Variants in ATAD5 observed in about 807,000 individuals in gnomAD.
ATAD5 encodes the protein ATPase family AAA domain containing 5, also known as ATPase family AAA domain-containing protein 5.
ATAD5 carries 58 observed loss-of-function variants against 176.9 expected under a neutral mutation model. The observed-to-expected ratio is 0.33, with a 90% confidence interval of 0.27 to 0.41. ATAD5 has a LOEUF of 0.41. Ranked by LOEUF, ATAD5 falls within the 10% of genes least tolerant of loss-of-function variation. The pLI is 1.00. For synonymous variants in ATAD5, 640 were observed against 712.6 expected (o/e 0.90, Z 1.62); for missense variants, 1,789 against 2,094.1 (o/e 0.85, Z 2.84).
At chr17:30,846,396 G>GTTTTTTTTTTTTTTTTTT (rs11324585) in intron 6 of ATAD5, among the ~76,000 whole-genome samples, 1 of 143,272 alleles carries the variant, frequency 7.0e-6, no homozygotes, top group African/African-American at 2.6e-5. Flanking sequence ...AGAGTTTGAG[G>GTTTTTTTTTTTTTTTTTT]TTTTTTTTTT....
At position 30,868,621 on chromosome 17, in the gene ATAD5, C is replaced by T. The variant is rs544741347; in HGVS notation, c.3313+209C>T. Among the ~76,000 whole-genome samples, 9 of 150,798 alleles carry T rather than the reference C, an allele frequency of 6.0e-5. No homozygotes were observed. The South Asian group carries it at 1.5e-3, about 25-fold the overall frequency. ...CTCCCGGGTCAAGTGATTCTCATGC[C>T]TCAGCCTCCTGAGTAGCTGGGATTA... On this transcript the variant is annotated intron_variant, in intron 12 of 22. Coordinates refer to ENST00000321990, the MANE Select transcript of ATAD5 (RefSeq NM_024857.5).
chr17:30,873,320 CT>C lies in ATAD5; in HGVS notation c.3608-3038del, dbSNP rs775667412. Among the ~76,000 whole-genome samples the C allele has an allele frequency of 8.3e-3, 1,134 of 137,426 alleles. 4 individuals are homozygous for C. The highest frequency in any genetic ancestry group is 0.045 in the Middle Eastern group (12 of 266). 90.2% of individuals were successfully genotyped at this position (137,426 alleles called of 152,430 possible). ...TTCTTTTGGTGTGAAATTTCTTTTTCTTTTTTTTTTTTTTTTGAGACGGAGT... is the reference window on the plus strand; with the variant it reads ...TTCTTTTGGTGTGAAATTTCTTTTTCTTTTTTTTTTTTTTTGAGACGGAGT... On this transcript the variant is annotated intron_variant, in intron 14 of 22. Transcript: ENST00000321990.
intron 7 of ATAD5, among the ~76,000 whole-genome samples, chr17:30,855,905 G>A (rs1907269569): frequency 6.6e-6 from 1 of 151,802 alleles, no homozygotes; most frequent in African/African-American, 2.4e-5. Flanking sequence ...CTGTACGTGG[G>A]AATTTCCCAG....
At position 30,865,747 on chromosome 17, in the gene ATAD5, T is replaced by C; in HGVS notation, c.3180T>C (p.Pro1060=). ...TGCTTTGGACAGAAAAGTATCAACC[T>C]CAGACTGCCAGTGAACTTATAGGAA... ...EDMLWTEKYQ[P]QTASELIGNE... is the part of the protein sequence containing the mutation. The change falls in exon 11 of 23, where the codon CCT becomes CCC. Residue 1060 remains proline (P), a synonymous_variant. Coordinates refer to ENST00000321990, the MANE Select transcript of ATAD5 (RefSeq NM_024857.5). The C allele has an allele frequency of 6.3e-7, 1 of 1,595,734 alleles. No homozygotes were observed. The highest frequency in any genetic ancestry group is 8.5e-7 in the Non-Finnish European group (1 of 1,173,628).
rs1050033477 is a variant in ATAD5, at chr17:30,850,361, C to A, written c.2451-4782C>A. On this transcript the variant is annotated intron_variant, in intron 6 of 22. Coordinates refer to ENST00000321990, the MANE Select transcript of ATAD5 (RefSeq NM_024857.5). The stretch of plus-strand genomic sequence containing the variant: ...TCTACTCTCTACTTCTATGAGACTT[C>A]TTTTTTTTTTTTTTTTAAAGGCAGC... 2.9e-5 allele frequency among the ~76,000 whole-genome samples: 4 copies of A among 136,370 alleles called. No individual in the cohort carries two copies. The Admixed American group carries it at 3.0e-4, about 10-fold the overall frequency. The allele number at this position is 136,370 out of a possible 152,430, so 89.5% of individuals were successfully genotyped here. A position where few individuals can be genotyped will look rare whatever the true frequency, so the allele number is the denominator to read the frequency against.
chr17:30,891,651 G>A (rs1030958993), intron 19 of ATAD5, among the ~76,000 whole-genome samples: 2 of 151,886 alleles, frequency 1.3e-5, no homozygotes, highest in Non-Finnish European at 2.9e-5. Flanking sequence ...GGGATTACAG[G>A]TGTGAGCCAC....
At chr17:30,891,107 C>G (rs1450128008) in intron 19 of ATAD5, among the ~76,000 whole-genome samples, 1 of 152,086 alleles carries the variant, frequency 6.6e-6, no homozygotes, top group Admixed American at 6.5e-5. Flanking sequence ...GGAGAGAATT[C>G]TAGAAGTATG....
rs1394330329 is a variant in ATAD5, at chr17:30,850,888, T to A, written c.2451-4255T>A. On this transcript the variant is annotated intron_variant, in intron 6 of 22. Transcript: ENST00000321990. ...ATATATATTTTTTTTTTTTTTTTTT[T>A]TTTTTTTTTTTTTTGAGATAGAGTC... Among the ~76,000 whole-genome samples the A allele has an allele frequency of 8.6e-4, 59 of 68,264 alleles. 1 individual carries two copies. Among genetic ancestry groups the A allele is most frequent in the African/African-American group, 3.0e-3 (55 of 18,136 alleles). The allele number at this position is 68,264 out of a possible 152,430, so 44.8% of individuals were successfully genotyped here. A position where few individuals can be genotyped will look rare whatever the true frequency, so the allele number is the denominator to read the frequency against.
chr17:30,845,787 TGGAGGTAA>T (rs555398610), intron 6 of ATAD5, among the ~76,000 whole-genome samples: 76 of 152,202 alleles, frequency 5.0e-4, no homozygotes, highest in African/African-American at 1.4e-3. Context: ...TGTGAGATGA[TGGAGGTAA>T]GGACTAGGTT....
intron 9 of ATAD5, 87 bp from the exon 10 acceptor site, chr17:30,860,346 A>C: frequency 6.9e-7 from 1 of 1,442,172 alleles, no homozygotes; most frequent in Non-Finnish European, 9.3e-7. Context: ...TTAAAGTTAC[A>C]AGACTATTGG....
chr17:30,841,499 A>AT (rs1168479655), intron 4 of ATAD5, among the ~76,000 whole-genome samples: 1 of 152,234 alleles, frequency 6.6e-6, no homozygotes, highest in East Asian at 1.9e-4. Context: ...TATAATTCAT[A>AT]TACATGCATT....
At chr17:30,875,239 T>C (rs1262287058) in intron 14 of ATAD5, among the ~76,000 whole-genome samples, 1 of 152,074 alleles carries the variant, frequency 6.6e-6, no homozygotes, top group Non-Finnish European at 1.5e-5. Flanking sequence ...AGAGGATGTA[T>C]TATGTGGAAA....
chr17:30,869,682 G>C, intron 14 of ATAD5, 36 bp downstream of exon 14: 1 of 1,543,508 alleles, frequency 6.5e-7, no homozygotes, highest in Non-Finnish European at 8.7e-7. Flanking sequence ...ATAATGTTTT[G>C]AAAAAAATAA....
intron 19 of ATAD5, among the ~76,000 whole-genome samples, chr17:30,890,891 TTA>T (rs1909603856): frequency 7.2e-6 from 1 of 139,836 alleles, no homozygotes; most frequent in Admixed American, 6.9e-5. Flanking sequence ...TTAACCAGTA[TTA>T]TATATGTTGT....
rs1905671670 is a variant in ATAD5 at position 30,835,518 on chromosome 17, G to T, written c.1437G>T (p.Lys479Asn). 1.2e-6 allele frequency: 2 copies of T among 1,606,118 alleles called. No homozygotes were observed. The highest frequency in any genetic ancestry group is 1.7e-6 in the Non-Finnish European group (2 of 1,178,328). ...SFLKEKNKKL[K>N]KKNKKTLDTG... is the part of the protein sequence containing the mutation. The stretch of plus-strand genomic sequence containing the variant: ...TGAAGGAGAAAAATAAAAAGCTAAA[G>T]AAGAAGAATAAGAAAACATTAGATA... Residue 479 changes from lysine (K) to asparagine (N), a missense_variant, in exon 2 of 23, where the codon AAG becomes AAT. By Grantham distance (94) the Lys-to-Asn change is moderately conservative. Coordinates refer to ENST00000321990, the MANE Select transcript of ATAD5 (RefSeq NM_024857.5).
chr17:30,836,113 G>A lies in ATAD5; in HGVS notation c.1967+65G>A, dbSNP rs1202949627. The A allele has an allele frequency of 2.2e-6, 3 of 1,356,960 alleles. No homozygotes were observed. In the East Asian group the frequency reaches 7.3e-5, roughly 33 times the overall value. 84.1% of individuals were successfully genotyped at this position (1,356,960 alleles called of 1,614,324 possible). ...TGTATTATTAGCTGGGGACAAAAAT[G>A]CTTCAAGTATTGGAGGGTATTTTTT... is the stretch of plus-strand genomic sequence containing the variant. On this transcript the variant is annotated intron_variant, in intron 2 of 22. Coordinates refer to ENST00000321990, the MANE Select transcript of ATAD5 (RefSeq NM_024857.5).
chr17:30,837,121 A>T, intron 2 of ATAD5, 85 bp from the exon 3 acceptor site: 1 of 760,858 alleles, frequency 1.3e-6, no homozygotes, highest in Non-Finnish European at 2.0e-6. Flanking sequence ...CCACTGCACC[A>T]GCTCTATTTT....
intron 4 of ATAD5, among the ~76,000 whole-genome samples, chr17:30,841,454 C>A (rs544030761): frequency 3.3e-5 from 5 of 152,336 alleles, no homozygotes; most frequent in Admixed American, 2.6e-4. Flanking sequence ...ATCCTGCTAA[C>A]TGCCAGTACC....
At chr17:30,841,966 C>T (rs1204216699) in intron 4 of ATAD5, among the ~76,000 whole-genome samples, 2 of 151,928 alleles carry the variant, frequency 1.3e-5, no homozygotes, top group African/African-American at 4.8e-5. Flanking sequence ...AAAATAAAAA[C>T]AAATTAAAAA....
Sources: gnomAD v4.1 joint callset for allele counts (sites outside exome capture counted in the v4.1 genomes callset) on GRCh38, gnomAD v4.1.1 for gene constraint, MANE v1.5 for transcripts, NCBI Gene and HGNC (gene_info 2026-07-23, HGNC 2026-07-21) for gene names.